The following PLXDC1 variants were observed in gnomAD, a reference collection of about 807,000 sequenced individuals.
PLXDC1 encodes the protein plexin domain containing 1.
Under a neutral mutation model 61.3 loss-of-function variants are expected in PLXDC1, and 39 were observed. The observed-to-expected ratio is 0.64, with a 90% CI of 0.49 to 0.83. PLXDC1 has a LOEUF of 0.83. Ranked by LOEUF, PLXDC1 falls within the 40% of genes least tolerant of loss-of-function variation. The probability of loss-of-function intolerance (pLI) is 0.00; values close to 1 mark genes in which losing one functional copy is unlikely to be tolerated. For synonymous variants in PLXDC1, 212 were observed against 254.5 expected (o/e 0.83, Z 1.59); for missense variants, 596 against 666.5 (o/e 0.89, Z 1.17).
At chr17:39,077,234 G>T (rs1909374274) in intron 11 of PLXDC1, among the ~76,000 whole-genome samples, 1 of 152,158 alleles carries the variant, frequency 6.6e-6, no homozygotes, top group Non-Finnish European at 1.5e-5. Flanking sequence ...GAATCCTGGA[G>T]GGGGCATGGG....
In PLXDC1 at chr17:39,083,709, C is replaced by CTT. The variant is rs561345038; in HGVS notation, c.908-171_908-170dup. On this transcript the variant is annotated intron_variant, in intron 8 of 13. Transcript: ENST00000315392. ...GGTCCAGTCTAGCCCCAATTCCTAACTTCTTTTTTTAAGGGATGAGGTCTC... is the reference window on the plus strand; with the variant it reads ...GGTCCAGTCTAGCCCCAATTCCTAACTTTTCTTTTTTTAAGGGATGAGGTCTC... 3.1e-3 allele frequency among the ~76,000 whole-genome samples: 454 copies of CTT among 148,708 alleles called. 1 individual carries two copies. The highest frequency in any genetic ancestry group is 0.011 in the African/African-American group (434 of 38,180).
intron 13 of PLXDC1, among the ~76,000 whole-genome samples, chr17:39,068,904 CTG>C (rs1462217379): frequency 6.6e-6 from 1 of 152,162 alleles, no homozygotes; most frequent in African/African-American, 2.4e-5. Context: ...CTGCTGCACT[CTG>C]TGGGGAACTC....
intron 2 of PLXDC1, among the ~76,000 whole-genome samples, chr17:39,109,738 T>C (rs1910731933): frequency 6.6e-6 from 1 of 152,076 alleles, no homozygotes; most frequent in Non-Finnish European, 1.5e-5. Flanking sequence ...GCATGGGGCA[T>C]AAGGGAGGAA....
At chr17:39,139,104 C>A (rs1311304248) in intron 2 of PLXDC1, among the ~76,000 whole-genome samples, 1 of 152,190 alleles carries the variant, frequency 6.6e-6, no homozygotes, top group Non-Finnish European at 1.5e-5. Flanking sequence ...GAAGAGCACT[C>A]CCTCCAGGCC....
At position 39,063,364 on chromosome 17, in the gene PLXDC1, G is replaced by A; in HGVS notation, c.*4476C>T. On this transcript the variant is annotated 3_prime_UTR_variant, in exon 14 of 14. Coordinates refer to ENST00000315392, the MANE Select transcript of PLXDC1 (RefSeq NM_020405.5). ...TCAGACAGTAGATAAAAATGCATGGGGTTTACTTCCAGGGATTTACAGACC... is the reference window on the plus strand; with the variant it reads ...TCAGACAGTAGATAAAAATGCATGGAGTTTACTTCCAGGGATTTACAGACC... 6.0e-6 allele frequency: 4 copies of A among 662,186 alleles called. No homozygotes were observed. Among genetic ancestry groups the A allele is most frequent in the Non-Finnish European group, 1.1e-5 (4 of 367,600 alleles). The allele number at this position is 662,186 out of a possible 1,614,324, so 41.0% of individuals were successfully genotyped here.
chr17:39,092,088 A>C (rs1294524667), intron 7 of PLXDC1, among the ~76,000 whole-genome samples: 2 of 151,486 alleles, frequency 1.3e-5, no homozygotes, highest in African/African-American at 4.9e-5. Flanking sequence ...TCATTTATTT[A>C]TTTATTTAGA....
intron 1 of PLXDC1, among the ~76,000 whole-genome samples, chr17:39,148,645 G>A (rs2045355859): frequency 6.6e-6 from 1 of 152,072 alleles, no homozygotes; most frequent in Non-Finnish European, 1.5e-5. Context: ...ATGTTAGCCA[G>A]GCTGGTCTCA....
intron 1 of PLXDC1, among the ~76,000 whole-genome samples, chr17:39,140,316 C>CTTTTTCTTTTTCTTTTT (rs367716934): frequency 2.0e-5 from 3 of 151,028 alleles, no homozygotes; most frequent in Non-Finnish European, 4.4e-5. Context: ...TTTTCTTTTT[C>CTTTTTCTTTTTCTTTTT]TTTTTTTGAA....
In PLXDC1 at chr17:39,134,253, CA is replaced by C. The variant is rs1192603968; in HGVS notation, c.255+5400del. Among the ~76,000 whole-genome samples, 1,107 of 128,404 alleles carry C rather than the reference CA, an allele frequency of 8.6e-3. 10 individuals are homozygous for C. The highest frequency in any genetic ancestry group is 0.012 in the Non-Finnish European group (743 of 59,708). The allele number at this position is 128,404 out of a possible 152,430, so 84.2% of individuals were successfully genotyped here. On this transcript the variant is annotated intron_variant, in intron 2 of 13. Transcript: ENST00000315392. ...TGGGCGACAGAGCAAGACTCCGTCTCAAAAAAAAAAAGAAAAGAAAAGAAAA... is the reference window on the plus strand; with the variant it reads ...TGGGCGACAGAGCAAGACTCCGTCTCAAAAAAAAAAGAAAAGAAAAGAAAA...
At chr17:39,116,807 T>G (rs879342884) in intron 2 of PLXDC1, among the ~76,000 whole-genome samples, 3 of 152,256 alleles carry the variant, frequency 2.0e-5, no homozygotes, top group Non-Finnish European at 4.4e-5. Flanking sequence ...GACTGCCTCC[T>G]GGTCCAAAGA....
intron 10 of PLXDC1, 69 bp from the exon 11 acceptor site, chr17:39,078,117 C>G (rs183930670): frequency 8.5e-6 from 12 of 1,417,874 alleles, no homozygotes; most frequent in Admixed American, 2.4e-5. Context: ...AAAGCATCTT[C>G]TCTTACAGGG....
At chr17:39,097,659 A>T (rs78486696) in intron 7 of PLXDC1, among the ~76,000 whole-genome samples, 1 of 151,970 alleles carries the variant, frequency 6.6e-6, no homozygotes, top group Non-Finnish European at 1.5e-5. Context: ...AAGCCAGAGC[A>T]TGGCTTGAGC....
In PLXDC1 at chr17:39,151,242, C is replaced by G. The variant is rs1299885794; in HGVS notation, c.76+120G>C. On this transcript the variant is annotated intron_variant, in intron 1 of 13. Transcript: ENST00000315392. The surrounding 1 kb of genome is among the most constrained non-coding windows in gnomAD (Gnocchi z 5.2). ...CCACAGCCCACAGCTCTCCTGGCCT[C>G]CTGCGGACAATGCCCCCCTCGCGGA... The G allele has an allele frequency of 1.4e-6, 1 of 721,034 alleles. No homozygotes were observed. Among genetic ancestry groups the G allele is most frequent in the African/African-American group, 1.8e-5 (1 of 54,356 alleles). The allele number at this position is 721,034 out of a possible 1,614,324, so 44.7% of individuals were successfully genotyped here. A position where few individuals can be genotyped will look rare whatever the true frequency, so the allele number is the denominator to read the frequency against.
At chr17:39,128,244 T>G (rs2143841460) in intron 2 of PLXDC1, among the ~76,000 whole-genome samples, 1 of 150,012 alleles carries the variant, frequency 6.7e-6, no homozygotes, top group Admixed American at 6.7e-5. Flanking sequence ...TGAGACAGAG[T>G]TTCACTCTTG....
chr17:39,110,532 G>A (rs1044522498), intron 2 of PLXDC1, among the ~76,000 whole-genome samples: 3 of 152,324 alleles, frequency 2.0e-5, no homozygotes, highest in Middle Eastern at 3.4e-3. Flanking sequence ...TCCTGGAGCC[G>A]ACCCAAGAGC....
Position 39,083,389 on chromosome 17 carries a change from C to T in PLXDC1, c.989+70G>A, listed in dbSNP as rs550032866. 1.8e-4 allele frequency: 215 copies of T among 1,210,422 alleles called. No homozygotes were observed. The African/African-American group carries it at 2.2e-3, about 12-fold the overall frequency. 75.0% of individuals were successfully genotyped at this position (1,210,422 alleles called of 1,614,324 possible). A position where few individuals can be genotyped will look rare whatever the true frequency, so the allele number is the denominator to read the frequency against. The stretch of plus-strand genomic sequence containing the variant: ...CTGACTGTGGGCAGTGAGGCCAGGA[C>T]GGGGCCATGCCACCCTCTTCCCCTC... On this transcript the variant is annotated intron_variant, in intron 9 of 13. Transcript: ENST00000315392.
chr17:39,070,587 T>G (rs1909077636), intron 12 of PLXDC1: 1 of 152,324 alleles, frequency 6.6e-6, no homozygotes, highest in Admixed American at 6.5e-5. Flanking sequence ...TGATGGCAAA[T>G]GACCATAGTT....
intron 13 of PLXDC1, among the ~76,000 whole-genome samples, chr17:39,068,369 CA>C (rs1555569518): frequency 2.0e-5 from 3 of 152,312 alleles, no homozygotes; most frequent in Non-Finnish European, 2.9e-5. Context: ...TCAGAGTCAA[CA>C]GGGGGCTTAT....
At chr17:39,152,685 G>A, upstream of PLXDC1, 4 of 1,231,686 alleles carry the variant, frequency 3.2e-6, no homozygotes, top group Non-Finnish European at 4.1e-6. Context: ...CGCCATTGGA[G>A]AAATTTTCCA....
Sources: allele counts gnomAD v4.1 joint callset (sites outside exome capture counted in the v4.1 genomes callset), GRCh38; gene constraint gnomAD v4.1.1; non-coding constraint Gnocchi (gnomAD v3.1); transcripts MANE v1.5; gene names NCBI Gene and HGNC (gene_info 2026-07-23, HGNC 2026-07-21).